The following RHPN2 variants were observed in gnomAD, a reference collection of about 807,000 sequenced individuals.
The protein encoded by RHPN2 is rhophilin Rho GTPase binding protein 2.
RHPN2 carries 40 observed loss-of-function variants against 79.0 expected under a neutral mutation model. That is an observed-to-expected ratio of 0.51 (90% confidence interval 0.39 to 0.66). The LOEUF (loss-of-function observed/expected upper bound fraction) is 0.66, where lower values mean the gene tolerates loss of function less well. Among genes scored for constraint, RHPN2 ranks in the 30% least tolerant of loss-of-function variants. RHPN2 has a pLI of 0.00. For missense variants in RHPN2, 686 were observed against 883.5 expected, an observed-to-expected ratio of 0.78 and a Z score of 2.83; for synonymous variants, 285 against 363.5, an observed-to-expected ratio of 0.78 and a Z score of 2.46.
At chr19:33,037,786 T>C (rs1229701643) in intron 2 of RHPN2, among the ~76,000 whole-genome samples, 1 of 152,166 alleles carries the variant, frequency 6.6e-6, no homozygotes, top group East Asian at 1.9e-4. Context: ...ATTTAAGCAC[T>C]GTAACACCGC....
intron 2 of RHPN2, among the ~76,000 whole-genome samples, chr19:33,037,680 G>GCTTC (rs1972069544): frequency 6.6e-6 from 1 of 152,218 alleles, no homozygotes; most frequent in South Asian, 2.1e-4. Flanking sequence ...GAGGTCTGCA[G>GCTTC]CTTCGCTCCT....
intron 14 of RHPN2, among the ~76,000 whole-genome samples, chr19:32,985,054 A>C (rs80312505): frequency 0.23 from 35,248 of 151,484 alleles, 4,542 homozygotes; most frequent in East Asian, 0.41. Context: ...GCTGGAGTGC[A>C]GTGGCACAAT....
chr19:33,045,350 G>A (rs1599832883), intron 1 of RHPN2, among the ~76,000 whole-genome samples: 1 of 152,034 alleles, frequency 6.6e-6, no homozygotes, highest in Non-Finnish European at 1.5e-5. Context: ...ACTGCGCCTG[G>A]CCTACTTTTT....
chr19:32,999,140 T>C (rs1311423957), intron 10 of RHPN2, among the ~76,000 whole-genome samples: 1 of 151,748 alleles, frequency 6.6e-6, no homozygotes, highest in Non-Finnish European at 1.5e-5. Context: ...GCATGGGTGG[T>C]GCGCAGAGGG....
At chr19:33,034,869 C>T (rs1420092073) in intron 2 of RHPN2, among the ~76,000 whole-genome samples, 14 of 151,584 alleles carry the variant, frequency 9.2e-5, no homozygotes, top group Non-Finnish European at 1.5e-4. Flanking sequence ...GAGGCTGAGG[C>T]AGGAGGACTG....
intron 3 of RHPN2, among the ~76,000 whole-genome samples, chr19:33,025,311 T>TAAAAAA (rs201499801): frequency 7.6e-6 from 1 of 130,858 alleles, no homozygotes. Flanking sequence ...TGTCTCTACT[T>TAAAAAA]AAAAAAAAAA....
intron 6 of RHPN2, among the ~76,000 whole-genome samples, chr19:33,010,101 C>A (rs1971824088): frequency 6.6e-6 from 1 of 152,112 alleles, no homozygotes; most frequent in Admixed American, 6.6e-5. Flanking sequence ...TTAAAGTTTA[C>A]TCATGAACCA....
At chr19:33,037,624 GAAC>G (rs1248300543) in intron 2 of RHPN2, among the ~76,000 whole-genome samples, 2 of 151,376 alleles carry the variant, frequency 1.3e-5, no homozygotes, top group Admixed American at 1.3e-4. Flanking sequence ...AACTCCAGAC[GAAC>G]AACTCCAGAC....
chr19:32,988,199 A>G (rs1484622800), intron 14 of RHPN2, among the ~76,000 whole-genome samples: 2 of 138,540 alleles, frequency 1.4e-5, no homozygotes, highest in African/African-American at 6.1e-5. Context: ...CCCTGTCTCA[A>G]AAACAACAAC....
chr19:32,991,346 C>G (rs1298829940), intron 13 of RHPN2: 1 of 218,692 alleles, frequency 4.6e-6, no homozygotes, highest in African/African-American at 2.3e-5. Flanking sequence ...GTAATCCCAG[C>G]TACTCAGCAG....
chr19:33,049,749 G>T (rs1440702446), intron 1 of RHPN2, among the ~76,000 whole-genome samples: 2 of 152,128 alleles, frequency 1.3e-5, no homozygotes, highest in Non-Finnish European at 2.9e-5. Context: ...TGTGGACCCT[G>T]GTACAGCATC....
chr19:33,025,795 T>C (rs1403570395), intron 3 of RHPN2, among the ~76,000 whole-genome samples: 1 of 152,216 alleles, frequency 6.6e-6, no homozygotes, highest in African/African-American at 2.4e-5. Flanking sequence ...GGTGACCCAC[T>C]AAAATATCCT....
chr19:33,033,863 G>C (rs969033916), intron 2 of RHPN2, among the ~76,000 whole-genome samples: 1 of 151,682 alleles, frequency 6.6e-6, no homozygotes, highest in African/African-American at 2.4e-5. Flanking sequence ...GCGAAACTCC[G>C]TCTCAAAAAA....
Position 32,987,776 on chromosome 19 carries a change from G to A in RHPN2, c.1800+2738C>T, listed in dbSNP as rs146627674. Among the ~76,000 whole-genome samples, 13 of 152,134 alleles carry A rather than the reference G, an allele frequency of 8.5e-5. No homozygotes were observed. In the East Asian group the frequency reaches 2.3e-3, roughly 27 times the overall value. ...CCTCGAACTGTAAGACTTCACATTC[G>A]ATCTCCTCCTTTATGCTTACGTCTG... On this transcript the variant is annotated intron_variant, in intron 14 of 14. Coordinates refer to ENST00000254260, the MANE Select transcript of RHPN2 (RefSeq NM_033103.5).
chr19:33,036,871 C>CCG (rs1972061245), intron 2 of RHPN2, among the ~76,000 whole-genome samples: 1 of 118,500 alleles, frequency 8.4e-6, no homozygotes, highest in African/African-American at 6.0e-5. Flanking sequence ...CATGCCTGAG[C>CCG]CCCCCCGCCA....
chr19:32,981,497 G>A (rs1322589719), intron 14 of RHPN2, among the ~76,000 whole-genome samples: 1 of 136,426 alleles, frequency 7.3e-6, no homozygotes, highest in Admixed American at 7.4e-5. Flanking sequence ...GAATGGAAGA[G>A]GGCAAGGGAA....
In RHPN2 at chr19:33,008,156, C is replaced by T. The variant is rs199698626; in HGVS notation, c.618G>A (p.Pro206=). 255 of 1,613,870 alleles carry T rather than the reference C, an allele frequency of 1.6e-4. 1 individual carries two copies. Among genetic ancestry groups the T allele is most frequent in the Non-Finnish European group, 2.0e-4 (238 of 1,180,008 alleles). Residue 206 remains proline (P), a synonymous_variant, in exon 7 of 15, where the codon CCG becomes CCA. Coordinates refer to ENST00000254260, the MANE Select transcript of RHPN2 (RefSeq NM_033103.5). ...FTWYDSLTGV[P]VSQQNLLLEK... ...CCAGCAGCAGGTTCTGCTGGCTGACCGGAACCCCGGTGAGAGAGTCATACC... is the reference window on the plus strand; with the variant it reads ...CCAGCAGCAGGTTCTGCTGGCTGACTGGAACCCCGGTGAGAGAGTCATACC...
chr19:33,018,639 T>G (rs996374010), intron 4 of RHPN2, among the ~76,000 whole-genome samples: 1 of 152,004 alleles, frequency 6.6e-6, no homozygotes, highest in Non-Finnish European at 1.5e-5. Context: ...AACCCCAAAC[T>G]CACAGGATTT....
intron 2 of RHPN2, among the ~76,000 whole-genome samples, chr19:33,033,634 C>T (rs761738345): frequency 2.0e-4 from 31 of 151,694 alleles, no homozygotes; most frequent in Non-Finnish European, 3.8e-4. Context: ...TTTGGGAGGC[C>T]GAGGTGGGCA....
Sources: gnomAD v4.1 joint callset for allele counts (sites outside exome capture counted in the v4.1 genomes callset) on GRCh38, gnomAD v4.1.1 for gene constraint, MANE v1.5 for transcripts, NCBI Gene and HGNC (gene_info 2026-07-23, HGNC 2026-07-21) for gene names.